Variants in TTC7B observed in about 807,000 individuals in gnomAD.
The protein encoded by TTC7B is tetratricopeptide repeat domain 7B.
In TTC7B, 28 loss-of-function variants were observed where a neutral mutation model predicts 106.8. The observed-to-expected ratio is 0.26, with a 90% CI of 0.19 to 0.36. TTC7B has a LOEUF of 0.36. TTC7B is among the 10% of genes least tolerant of loss of function. The pLI, the probability that TTC7B is intolerant of heterozygous loss-of-function variation, is 1.00. For missense variants in TTC7B, 862 were observed against 1,076.4 expected (o/e 0.80, Z 2.79); for synonymous variants, 405 against 430.6 (o/e 0.94, Z 0.74).
rs563618602 is a variant in TTC7B, at chr14:90,562,901, C to G, written c.2310+15205G>C. On this transcript the variant is annotated intron_variant, in intron 19 of 19. Coordinates refer to ENST00000328459, the MANE Select transcript of TTC7B (RefSeq NM_001010854.2). ...TTGTGGGAGAGTCTGCGCCTCTACTCGGCTGCCAGCACTTGGCCCACAAAC... is the reference window on the plus strand; with the variant it reads ...TTGTGGGAGAGTCTGCGCCTCTACTGGGCTGCCAGCACTTGGCCCACAAAC... Among the ~76,000 whole-genome samples, 9 of 152,310 alleles carry G rather than the reference C, an allele frequency of 5.9e-5. No individual in the cohort carries two copies. The East Asian group carries it at 1.7e-3, about 29-fold the overall frequency.
intron 15 of TTC7B, among the ~76,000 whole-genome samples, chr14:90,623,393 G>A (rs1884296835): frequency 6.6e-6 from 1 of 152,172 alleles, no homozygotes; most frequent in South Asian, 2.1e-4. Flanking sequence ...ATGTGAATAA[G>A]AAACAGAGAA....
intron 17 of TTC7B, among the ~76,000 whole-genome samples, chr14:90,603,787 T>C (rs1054317143): frequency 6.6e-6 from 1 of 152,216 alleles, no homozygotes; most frequent in African/African-American, 2.4e-5. Flanking sequence ...TTAAAATCAT[T>C]ACAATTTTAA....
At chr14:90,580,899 C>T (rs894610371) in intron 18 of TTC7B, among the ~76,000 whole-genome samples, 4 of 152,174 alleles carry the variant, frequency 2.6e-5, no homozygotes, top group East Asian at 3.9e-4. Context: ...GGCCTGGGGG[C>T]GGGGAAATGG....
At chr14:90,729,770 A>G (rs74084313) in intron 5 of TTC7B, among the ~76,000 whole-genome samples, 8,121 of 152,276 alleles carry the variant, frequency 0.053, 251 homozygotes, top group Non-Finnish European at 0.061. Context: ...AGAGCCATTC[A>G]TGGAGGGAGG....
chr14:90,813,351 G>A (rs2031005934), intron 1 of TTC7B, among the ~76,000 whole-genome samples: 3 of 152,178 alleles, frequency 2.0e-5, no homozygotes, highest in Non-Finnish European at 4.4e-5. Flanking sequence ...ACTGGGATGT[G>A]AGTTTCATAA....
intron 5 of TTC7B, among the ~76,000 whole-genome samples, chr14:90,728,337 CAAAAAAAAAAAAAA>C (rs35504744): frequency 7.5e-5 from 3 of 40,036 alleles, no homozygotes; most frequent in South Asian, 1.7e-3. Flanking sequence ...GTCCCCCCCG[CAAAAAAAAAAAAAA>C]AAAAAAAAAA....
intron 8 of TTC7B, 79 bp downstream of exon 8, chr14:90,680,393 G>C (rs1269087350): frequency 2.8e-6 from 3 of 1,069,126 alleles, no homozygotes; most frequent in Non-Finnish European, 4.3e-6. Flanking sequence ...AAAGAGTCAT[G>C]ATACTGGCAG....
At chr14:90,701,709 T>TATACACACACACACAC (rs1555391267) in intron 5 of TTC7B, among the ~76,000 whole-genome samples, 273 of 150,158 alleles carry the variant, frequency 1.8e-3, no homozygotes, top group African/African-American at 6.4e-3. Flanking sequence ...TATATATATA[T>TATACACACACACACAC]ACACACACAC....
chr14:90,793,597 GTTTTTTTC>G (rs1475074604), intron 1 of TTC7B, among the ~76,000 whole-genome samples: 4 of 137,434 alleles, frequency 2.9e-5, no homozygotes, highest in African/African-American at 5.1e-5. Context: ...TTGTTTGTTT[GTTTTTTTC>G]TTTTTTTCTT....
In TTC7B at chr14:90,657,557, A is replaced by C. The variant is rs992080272; in HGVS notation, c.1237-279T>G. On this transcript the variant is annotated intron_variant, in intron 10 of 19. Coordinates refer to ENST00000328459, the MANE Select transcript of TTC7B (RefSeq NM_001010854.2). This position sits in a 1 kb window ranked among gnomAD's most constrained non-coding sequence, Gnocchi z 4.2. ...CTATTGGAAAATTAAGAAAAACATA[A>C]AGATGGTGGAAGTTTGTTCTTATAA... The C allele has an allele frequency of 1.1e-5, 3 of 268,344 alleles. No homozygotes were observed. Among genetic ancestry groups the C allele is most frequent in the African/African-American group, 4.4e-5 (2 of 45,630 alleles). 16.6% of individuals were successfully genotyped at this position (268,344 alleles called of 1,614,324 possible).
intron 3 of TTC7B, among the ~76,000 whole-genome samples, chr14:90,750,163 C>T (rs1890095215): frequency 6.6e-6 from 1 of 152,184 alleles, no homozygotes; most frequent in Non-Finnish European, 1.5e-5. Flanking sequence ...ATTACCTTCC[C>T]AAATATGCTT....
rs1889198060 is a variant in TTC7B, at chr14:90,528,439, G to A, written c.*12929C>T. ...TGTGTCTCCCAGGCTGGGGTGCAGT[G>A]GCATAATCACTGCAGCCTTGACCTC... On this transcript the variant is annotated 3_prime_UTR_variant, in exon 20 of 20. Coordinates refer to ENST00000328459, the MANE Select transcript of TTC7B (RefSeq NM_001010854.2). 1 of 152,464 alleles carries A rather than the reference G, an allele frequency of 6.6e-6. No homozygotes were observed. The highest frequency in any genetic ancestry group is 6.5e-5 in the Admixed American group (1 of 15,284). 9.4% of individuals were successfully genotyped at this position (152,464 alleles called of 1,614,324 possible). A position where few individuals can be genotyped will look rare whatever the true frequency, so the allele number is the denominator to read the frequency against.
chr14:90,610,657 G>C, intron 17 of TTC7B, 85 bp downstream of exon 17: 1 of 981,816 alleles, frequency 1.0e-6, no homozygotes, highest in South Asian at 1.3e-5. Context: ...ACCCCAACCC[G>C]ATCAGTCTCA....
At chr14:90,678,050 C>T (rs1886910732) in intron 8 of TTC7B, among the ~76,000 whole-genome samples, 1 of 152,206 alleles carries the variant, frequency 6.6e-6, no homozygotes, top group Non-Finnish European at 1.5e-5. Flanking sequence ...ATGTTCCATA[C>T]TGAGACCAAT....
chr14:90,596,474 A>C (rs1027512522), intron 17 of TTC7B, among the ~76,000 whole-genome samples: 1 of 152,230 alleles, frequency 6.6e-6, no homozygotes, highest in African/African-American at 2.4e-5. Flanking sequence ...TGTCAGTTTT[A>C]GAGAACATAC....
At chr14:90,610,315 C>T (rs1289917157) in intron 17 of TTC7B, among the ~76,000 whole-genome samples, 1 of 152,202 alleles carries the variant, frequency 6.6e-6, no homozygotes, top group Non-Finnish European at 1.5e-5. Context: ...GACAGTGGAA[C>T]CCACCTGCCA....
rs1270181461 is a variant in TTC7B at position 90,816,376 on chromosome 14, C to G, written c.-81G>C. 1.2e-6 allele frequency: 1 copy of G among 809,212 alleles called. No individual in the cohort carries two copies. The highest frequency in any genetic ancestry group is 1.5e-6 in the Non-Finnish European group (1 of 672,442). 50.1% of individuals were successfully genotyped at this position (809,212 alleles called of 1,614,324 possible). A position where few individuals can be genotyped will look rare whatever the true frequency, so the allele number is the denominator to read the frequency against. ...GCGCCCCCTCGCCGCCTCCCGCCGC[C>G]GCCGCGGGCTCGGGCTCCGGCTCCC... On this transcript the variant is annotated 5_prime_UTR_variant, in exon 1 of 20. Coordinates refer to ENST00000328459, the MANE Select transcript of TTC7B (RefSeq NM_001010854.2).
intron 17 of TTC7B, among the ~76,000 whole-genome samples, chr14:90,609,762 G>C (rs1192259545): frequency 6.6e-6 from 1 of 152,216 alleles, no homozygotes. Flanking sequence ...GAGGCTCAAA[G>C]AAGAGCAAAT....
chr14:90,767,090 A>C, intron 3 of TTC7B: 1 of 631,400 alleles, frequency 1.6e-6, no homozygotes, highest in Admixed American at 3.0e-5. Flanking sequence ...GCAGTAGCTC[A>C]CACCTGTAAC....
Sources: allele counts gnomAD v4.1 joint callset (sites outside exome capture counted in the v4.1 genomes callset), GRCh38; gene constraint gnomAD v4.1.1; non-coding constraint Gnocchi (gnomAD v3.1); transcripts MANE v1.5; gene names NCBI Gene and HGNC (gene_info 2026-07-23, HGNC 2026-07-21).